INPP4A: variants seen among roughly 807,000 people sequenced by gnomAD.
INPP4A encodes the protein inositol polyphosphate-4-phosphatase, type I, 107kD.
A neutral mutation model predicts 119.8 loss-of-function variants in INPP4A; 33 were observed. The observed-to-expected ratio is 0.28, with a 90% CI of 0.21 to 0.37. The LOEUF (loss-of-function observed/expected upper bound fraction) is 0.37, where lower values mean the gene tolerates loss of function less well. Ranked by LOEUF, INPP4A falls within the 10% of genes least tolerant of loss-of-function variation. The pLI is 1.00. For missense variants in INPP4A, 956 were observed against 1,289.9 expected (o/e 0.74, Z 3.97); for synonymous variants, 496 against 500.7 (o/e 0.99, Z 0.12).
At chr2:98,448,741 T>C (rs1694717860) in intron 1 of INPP4A, among the ~76,000 whole-genome samples, 1 of 149,924 alleles carries the variant, frequency 6.7e-6, no homozygotes, top group African/African-American at 2.5e-5. Context: ...AGAGACAAGG[T>C]CTCCCTTCGT....
At chr2:98,556,008 C>T (rs1575068545) in intron 16 of INPP4A, 200 bp downstream of exon 16, 1 of 563,230 alleles carries the variant, frequency 1.8e-6, no homozygotes, top group Non-Finnish European at 3.0e-6. Context: ...GTAACTGGAG[C>T]CCATGTGTGA....
At chr2:98,556,725 G>A (rs746341173) in intron 16 of INPP4A, among the ~76,000 whole-genome samples, 5 of 152,176 alleles carry the variant, frequency 3.3e-5, no homozygotes, top group African/African-American at 7.2e-5. Flanking sequence ...AGGTATAAGC[G>A]TGCCTCTTGG....
At chr2:98,458,352 A>G (rs1360908864) in intron 1 of INPP4A, among the ~76,000 whole-genome samples, 1 of 151,952 alleles carries the variant, frequency 6.6e-6, no homozygotes, top group Non-Finnish European at 1.5e-5. Context: ...CTCAGAAAAA[A>G]AAAATCATCA....
At chr2:98,567,591 G>A (rs1391388241) in intron 21 of INPP4A, among the ~76,000 whole-genome samples, 1 of 152,206 alleles carries the variant, frequency 6.6e-6, no homozygotes, top group Non-Finnish European at 1.5e-5. Context: ...TCTAGAGAGG[G>A]CTGAGCCAGA....
intron 1 of INPP4A, among the ~76,000 whole-genome samples, chr2:98,518,759 T>C (rs1303592242): frequency 6.6e-6 from 1 of 152,226 alleles, no homozygotes; most frequent in African/African-American, 2.4e-5. Context: ...AGATCAGCCC[T>C]GCAGGGGAGA....
At chr2:98,550,477 G>A (rs921235688) in intron 13 of INPP4A, among the ~76,000 whole-genome samples, 2 of 152,158 alleles carry the variant, frequency 1.3e-5, no homozygotes, top group South Asian at 2.1e-4. Context: ...CCACCCTTAC[G>A]CTCTCATGGC....
At chr2:98,491,865 A>C (rs1011952535) in intron 1 of INPP4A, among the ~76,000 whole-genome samples, 2 of 151,884 alleles carry the variant, frequency 1.3e-5, no homozygotes, top group Non-Finnish European at 1.5e-5. Context: ...CCACAAACTC[A>C]TAAGTTCAAA....
chr2:98,549,255 G>A (rs1277612716), intron 13 of INPP4A, among the ~76,000 whole-genome samples: 3 of 152,128 alleles, frequency 2.0e-5, no homozygotes, highest in African/African-American at 4.8e-5. Flanking sequence ...GGAAGGGCCC[G>A]ACCCAGGAAG....
intron 23 of INPP4A, among the ~76,000 whole-genome samples, chr2:98,573,283 C>T (rs1697807762): frequency 6.6e-6 from 1 of 152,218 alleles, no homozygotes; most frequent in African/African-American, 2.4e-5. Context: ...TTTCAGGTCT[C>T]TTTAAACCAT....
At chr2:98,531,179 C>T (rs539777931) in intron 4 of INPP4A, among the ~76,000 whole-genome samples, 1 of 152,248 alleles carries the variant, frequency 6.6e-6, no homozygotes, top group Non-Finnish European at 1.5e-5. Context: ...GGGTTTGTGT[C>T]AGAGGACAGA....
intron 1 of INPP4A, among the ~76,000 whole-genome samples, chr2:98,502,753 A>G (rs1157789569): frequency 1.3e-5 from 2 of 152,222 alleles, no homozygotes; most frequent in African/African-American, 2.4e-5. Context: ...TTTTGTGAGC[A>G]GTCTCACTAC....
At chr2:98,510,181 G>A (rs1684860030) in intron 1 of INPP4A, among the ~76,000 whole-genome samples, 1 of 152,230 alleles carries the variant, frequency 6.6e-6, no homozygotes, top group South Asian at 2.1e-4. Flanking sequence ...AGTCGTACTT[G>A]TGGGGAAGAT....
intron 22 of INPP4A, among the ~76,000 whole-genome samples, chr2:98,571,561 C>T (rs1697455233): frequency 6.6e-6 from 1 of 152,216 alleles, no homozygotes; most frequent in Admixed American, 6.5e-5. Context: ...TGGGCGAGGC[C>T]TCCGGAAGCA....
chr2:98,475,428 A>G (rs181906473), intron 1 of INPP4A, among the ~76,000 whole-genome samples: 265 of 152,320 alleles, frequency 1.7e-3, no homozygotes, highest in Middle Eastern at 3.4e-3. Flanking sequence ...TTTCTTTCTC[A>G]GCTATTTAAA....
In INPP4A at chr2:98,452,174, A is replaced by G. The variant is rs531039610; in HGVS notation, c.-166+7089A>G. ...TGATTCCCCAGCCACAGTGTCTACC[A>G]GTCCTTCCCTCTGGCCTGTGGAGCA... On this transcript the variant is annotated intron_variant, in intron 1 of 24. Transcript: ENST00000409851. Among the ~76,000 whole-genome samples the G allele has an allele frequency of 9.0e-4, 137 of 152,322 alleles. 1 individual carries two copies. The highest frequency in any genetic ancestry group is 1.2e-3 in the Admixed American group (18 of 15,296).
At chr2:98,497,230 C>T (rs1682176186) in intron 1 of INPP4A, among the ~76,000 whole-genome samples, 1 of 152,354 alleles carries the variant, frequency 6.6e-6, no homozygotes, top group African/African-American at 2.4e-5. Flanking sequence ...GTTTGGGAAC[C>T]ACTGCCTAGA....
At position 98,594,360 on chromosome 2, in the gene INPP4A, G is replaced by A. The variant is rs1163403843; in HGVS notation, c.*6752G>A. ...CTATTCACTTTTTGGTATACTGGTT[G>A]TTTAACAGTAAAAATTAAATGTTTA... On this transcript the variant is annotated 3_prime_UTR_variant, in exon 25 of 25. Transcript: ENST00000409851. The A allele has an allele frequency of 6.6e-6, 1 of 152,142 alleles. No individual in the cohort carries two copies. The highest frequency in any genetic ancestry group is 1.5e-5 in the Non-Finnish European group (1 of 68,030). 9.4% of individuals were successfully genotyped at this position (152,142 alleles called of 1,614,324 possible). A position where few individuals can be genotyped will look rare whatever the true frequency, so the allele number is the denominator to read the frequency against.
chr2:98,555,965 C>A, intron 16 of INPP4A, 157 bp downstream of exon 16: 1 of 837,268 alleles, frequency 1.2e-6, no homozygotes, highest in Non-Finnish European at 1.8e-6. Context: ...GAGCAGCAGG[C>A]AGTGAGAGCG....
intron 1 of INPP4A, among the ~76,000 whole-genome samples, chr2:98,484,347 T>C (rs371164987): frequency 6.6e-6 from 1 of 152,148 alleles, no homozygotes; most frequent in Non-Finnish European, 1.5e-5. Flanking sequence ...TCTGGTTCCC[T>C]CTCCTCCCTG....
Sources: gnomAD v4.1 joint callset for allele counts (sites outside exome capture counted in the v4.1 genomes callset) on GRCh38, gnomAD v4.1.1 for gene constraint, MANE v1.5 for transcripts, NCBI Gene and HGNC (gene_info 2026-07-23, HGNC 2026-07-21) for gene names.